Variants in PRR16 observed in about 807,000 individuals in gnomAD.
PRR16 encodes protein Largen.
A neutral mutation model predicts 18.2 loss-of-function variants in PRR16; 6 were observed. The observed-to-expected ratio is 0.33, with a 90% CI of 0.18 to 0.65. The LOEUF (loss-of-function observed/expected upper bound fraction) is 0.65, where lower values mean the gene tolerates loss of function less well. PRR16 is among the 30% of genes least tolerant of loss of function. The pLI is 0.74. For synonymous variants in PRR16, 151 were observed against 147.8 expected (o/e 1.02, Z -0.16); for missense variants, 412 against 376.6 (o/e 1.09, Z -0.78).
the PRR16 span, among the ~76,000 whole-genome samples, chr5:120,781,669 G>GGAGT: frequency 6.6e-6 from 1 of 152,086 alleles, no homozygotes; most frequent in African/African-American, 2.4e-5. Context: ...GCCATATTTT[G>GGAGT]GAGTACCATG....
the PRR16 span, among the ~76,000 whole-genome samples, chr5:120,754,153 AATATG>A: frequency 4.3e-3 from 90 of 20,704 alleles, 1 homozygote; most frequent in Non-Finnish European, 5.9e-3. Context: ...ATAATATATA[AATATG>A]ATATATAAAT....
At chr5:120,675,139 G>C (rs941173678) in intron 1 of PRR16, among the ~76,000 whole-genome samples, 2 of 152,128 alleles carry the variant, frequency 1.3e-5, no homozygotes, top group African/African-American at 4.8e-5. Context: ...TTAGTCATAT[G>C]TTCTTATAAT....
the PRR16 span, among the ~76,000 whole-genome samples, chr5:120,713,429 TTAA>T: frequency 6.6e-6 from 1 of 152,194 alleles, no homozygotes; most frequent in African/African-American, 2.4e-5. Flanking sequence ...TTATTTTTTC[TTAA>T]TAAGAAATAG....
the PRR16 span, among the ~76,000 whole-genome samples, chr5:120,697,760 C>T: frequency 3.3e-5 from 5 of 151,764 alleles, no homozygotes. Context: ...GCAAGGTGCT[C>T]AGTGGGGGTG....
At chr5:120,538,772 T>TAA (rs1479183959) in intron 1 of PRR16, among the ~76,000 whole-genome samples, 1 of 152,198 alleles carries the variant, frequency 6.6e-6, no homozygotes, top group East Asian at 1.9e-4. Flanking sequence ...TCTTGTTCTT[T>TAA]AAGGTATCAG....
At chr5:120,733,174 CT>C in the PRR16 span, among the ~76,000 whole-genome samples, 15 of 152,030 alleles carry the variant, frequency 9.9e-5, no homozygotes, top group African/African-American at 3.6e-4. Flanking sequence ...GAGACAGAGT[CT>C]TGTTCTGTCA....
intron 1 of PRR16, among the ~76,000 whole-genome samples, chr5:120,667,883 CA>C (rs1756449505): frequency 6.6e-6 from 1 of 151,950 alleles, no homozygotes. Context: ...AACTATGTGT[CA>C]GTTTTGGAAT....
At chr5:120,503,521 A>G (rs1036708409) in intron 1 of PRR16, among the ~76,000 whole-genome samples, 3 of 152,130 alleles carry the variant, frequency 2.0e-5, no homozygotes, top group African/African-American at 7.2e-5. Flanking sequence ...GTAAGATAAA[A>G]GAGAGAGCAA....
intron 1 of PRR16, among the ~76,000 whole-genome samples, chr5:120,557,522 GA>G (rs1382538469): frequency 1.3e-5 from 2 of 151,750 alleles, no homozygotes; most frequent in African/African-American, 4.8e-5. Flanking sequence ...CTGATGTGAT[GA>G]AAAAATATAT....
chr5:120,777,552 T>G, the PRR16 span, among the ~76,000 whole-genome samples: 2 of 148,846 alleles, frequency 1.3e-5, no homozygotes, highest in Non-Finnish European at 3.0e-5. Flanking sequence ...CCTTTATGGT[T>G]TATTATGAAG....
the PRR16 span, among the ~76,000 whole-genome samples, chr5:120,783,973 G>T: frequency 1.3e-5 from 2 of 151,902 alleles, no homozygotes; most frequent in African/African-American, 2.4e-5. Context: ...TATTTGTCTT[G>T]CTGTGGCTGG....
chr5:120,763,250 A>C, the PRR16 span, among the ~76,000 whole-genome samples: 1 of 151,854 alleles, frequency 6.6e-6, no homozygotes, highest in Non-Finnish European at 1.5e-5. Flanking sequence ...CGGTTCAAGC[A>C]ATTCTGCCTC....
chr5:120,518,631 A>G (rs1239310318), intron 1 of PRR16, among the ~76,000 whole-genome samples: 2 of 151,092 alleles, frequency 1.3e-5, no homozygotes, highest in African/African-American at 2.4e-5. Flanking sequence ...GTAGTAATAA[A>G]TTTTTTCCTG....
chr5:120,790,005 TTCTCACTTGATTCATCTTTA>T, the PRR16 span: 1 of 152,194 alleles, frequency 6.6e-6, no homozygotes, highest in Non-Finnish European at 1.5e-5. Flanking sequence ...CAATTCGTTT[TTCTCACTTGATTCATCTTTA>T]TGACTTCCTG....
chr5:120,776,230 A>G, the PRR16 span, among the ~76,000 whole-genome samples: 2 of 152,114 alleles, frequency 1.3e-5, no homozygotes, highest in African/African-American at 4.8e-5. Context: ...TTCATCCTTC[A>G]TAAGGAAGCT....
intron 1 of PRR16, among the ~76,000 whole-genome samples, chr5:120,673,957 G>GAA (rs5870917): frequency 3.4e-3 from 494 of 145,646 alleles, no homozygotes; most frequent in African/African-American, 4.7e-3. Flanking sequence ...CTTTCTCAAA[G>GAA]AAAAAAAAAA....
Position 120,530,281 on chromosome 5 carries a change from A to ATATT in PRR16, c.159+65664_159+65667dup, listed in dbSNP as rs1280890843. On this transcript the variant is annotated intron_variant, in intron 1 of 1. Coordinates refer to ENST00000407149, the MANE Select transcript of PRR16 (RefSeq NM_001300783.2). ...TATATATATATATATATATATATAT[A>ATATT]TATTTATTTATTTATTTATTTATTT... Among the ~76,000 whole-genome samples, 126 of 92,676 alleles carry ATATT rather than the reference A, an allele frequency of 1.4e-3. 2 individuals are homozygous for ATATT. Among genetic ancestry groups the ATATT allele is most frequent in the East Asian group, 4.1e-3 (16 of 3,882 alleles). The allele number at this position is 92,676 out of a possible 152,430, so 60.8% of individuals were successfully genotyped here.
intron 1 of PRR16, among the ~76,000 whole-genome samples, chr5:120,648,361 G>T (rs72794336): frequency 6.6e-6 from 1 of 151,754 alleles, no homozygotes; most frequent in Non-Finnish European, 1.5e-5. Flanking sequence ...AATAAATAAG[G>T]ATTCAAGCCT....
chr5:120,624,335 T>A (rs1754792684), intron 1 of PRR16, among the ~76,000 whole-genome samples: 1 of 152,210 alleles, frequency 6.6e-6, no homozygotes. Context: ...GAAAGAGACC[T>A]CTTCCTGTGG....
Sources: allele counts gnomAD v4.1 joint callset (sites outside exome capture counted in the v4.1 genomes callset), GRCh38; gene constraint gnomAD v4.1.1; transcripts MANE v1.5; gene names NCBI Gene and HGNC (gene_info 2026-07-23, HGNC 2026-07-21).